Variants in GABRB1 observed in about 807,000 individuals in gnomAD.
GABRB1 encodes gamma-aminobutyric acid receptor subunit beta-1.
Under a neutral mutation model 51.6 loss-of-function variants are expected in GABRB1, and 17 were observed. That is an observed-to-expected ratio of 0.33 (90% CI 0.23 to 0.49). The LOEUF is 0.49. Ranked by LOEUF, GABRB1 falls within the 20% of genes least tolerant of loss-of-function variation. The pLI, the probability that GABRB1 is intolerant of heterozygous loss-of-function variation, is 0.99. For missense variants in GABRB1, 410 were observed against 600.6 expected (o/e 0.68, Z 3.32); for synonymous variants, 247 against 218.9 (o/e 1.13, Z -1.14).
At chr4:47,123,886 T>C (rs572469915) in intron 3 of GABRB1, among the ~76,000 whole-genome samples, 148 of 77,896 alleles carry the variant, frequency 1.9e-3, no homozygotes, top group African/African-American at 6.0e-3. Context: ...ATATATAATA[T>C]ATATAATATA....
At chr4:47,065,437 T>A (rs1727034659) in intron 3 of GABRB1, among the ~76,000 whole-genome samples, 1 of 152,204 alleles carries the variant, frequency 6.6e-6, no homozygotes, top group South Asian at 2.1e-4. Flanking sequence ...AGGCAGCTCA[T>A]CACTCACAAT....
At chr4:47,246,329 C>CATAT (rs1233122369) in intron 4 of GABRB1, among the ~76,000 whole-genome samples, 5 of 29,036 alleles carry the variant, frequency 1.7e-4, no homozygotes, top group Admixed American at 4.5e-4. Context: ...CACACACACA[C>CATAT]ATATGTACAT....
intron 4 of GABRB1, among the ~76,000 whole-genome samples, chr4:47,314,165 G>T (rs1381923175): frequency 1.3e-5 from 2 of 151,852 alleles, no homozygotes; most frequent in Admixed American, 1.3e-4. Flanking sequence ...AATGAGTTAT[G>T]GTAAAGTCTT....
intron 5 of GABRB1, among the ~76,000 whole-genome samples, chr4:47,398,561 G>T (rs4995570): frequency 0.44 from 64,886 of 145,948 alleles, 14,667 homozygotes; most frequent in African/African-American, 0.59. Flanking sequence ...TATATATAGA[G>T]AGAGAGAGAG....
At chr4:47,257,597 G>A (rs539083932) in intron 4 of GABRB1, among the ~76,000 whole-genome samples, 2 of 151,936 alleles carry the variant, frequency 1.3e-5, no homozygotes, top group East Asian at 1.9e-4. Context: ...TTGGTGAGAA[G>A]TGTCTTCTCT....
At chr4:47,060,395 C>T (rs1166356230) in intron 3 of GABRB1, among the ~76,000 whole-genome samples, 1 of 152,092 alleles carries the variant, frequency 6.6e-6, no homozygotes, top group East Asian at 1.9e-4. Flanking sequence ...AGAAATATCT[C>T]AGCTTTCCAG....
intron 1 of GABRB1, among the ~76,000 whole-genome samples, chr4:47,015,144 G>T (rs1013118104): frequency 6.6e-6 from 1 of 152,170 alleles, no homozygotes; most frequent in African/African-American, 2.4e-5. Context: ...CTGACCTTGT[G>T]ATCCGCCCAC....
chr4:47,288,243 CTATTATTAT>C (rs34976412), intron 4 of GABRB1, among the ~76,000 whole-genome samples: 8 of 148,184 alleles, frequency 5.4e-5, no homozygotes, highest in Admixed American at 1.4e-4. Context: ...GGGCTTATTA[CTATTATTAT>C]TATTATTATT....
intron 3 of GABRB1, among the ~76,000 whole-genome samples, chr4:47,096,456 G>C (rs1001824817): frequency 6.6e-5 from 10 of 152,184 alleles, no homozygotes; most frequent in Non-Finnish European, 1.3e-4. Flanking sequence ...ATAGACGGTA[G>C]ATTGCAGTAA....
chr4:47,118,401 G>A (rs1385264802), intron 3 of GABRB1, among the ~76,000 whole-genome samples: 1 of 152,112 alleles, frequency 6.6e-6, no homozygotes. Flanking sequence ...TCTTGCAGCT[G>A]TCTAAGTGAC....
At chr4:47,333,780 A>C (rs1725590615) in intron 5 of GABRB1, among the ~76,000 whole-genome samples, 1 of 152,190 alleles carries the variant, frequency 6.6e-6, no homozygotes, top group African/African-American at 2.4e-5. Flanking sequence ...TTTCTTTCAA[A>C]CATAAAAAAT....
chr4:47,330,959 A>G (rs1483619770), intron 5 of GABRB1, among the ~76,000 whole-genome samples: 2 of 152,166 alleles, frequency 1.3e-5, no homozygotes, highest in African/African-American at 4.8e-5. Context: ...ATAATGTAAA[A>G]CCAGCATCTA....
At chr4:47,356,584 C>A (rs936047218) in intron 5 of GABRB1, among the ~76,000 whole-genome samples, 1 of 152,196 alleles carries the variant, frequency 6.6e-6, no homozygotes, top group Middle Eastern at 3.4e-3. Context: ...AAGTATGTAC[C>A]GTAGGTAAAA....
chr4:47,084,113 G>C (rs1304128246), intron 3 of GABRB1, among the ~76,000 whole-genome samples: 1 of 152,144 alleles, frequency 6.6e-6, no homozygotes, highest in Non-Finnish European at 1.5e-5. Flanking sequence ...ATGTAAACCA[G>C]CTATGGTTTC....
intron 1 of GABRB1, among the ~76,000 whole-genome samples, chr4:46,997,465 T>C (rs1724034815): frequency 6.6e-6 from 1 of 151,072 alleles, no homozygotes; most frequent in South Asian, 2.1e-4. Flanking sequence ...TACATAACTA[T>C]AACTTCGTAC....
chr4:47,226,657 T>C (rs16860084), intron 4 of GABRB1, among the ~76,000 whole-genome samples: 1,996 of 152,240 alleles, frequency 0.013, 40 homozygotes, highest in African/African-American at 0.046. Flanking sequence ...AAGTATCCCT[T>C]GAGGACTACC....
At chr4:47,189,308 A>G (rs2109780596) in intron 4 of GABRB1, among the ~76,000 whole-genome samples, 1 of 152,072 alleles carries the variant, frequency 6.6e-6, no homozygotes, top group Non-Finnish European at 1.5e-5. Context: ...CCTTATACAT[A>G]ATATTATGGC....
chr4:47,064,454 G>A (rs1191822305), intron 3 of GABRB1, among the ~76,000 whole-genome samples: 2 of 151,810 alleles, frequency 1.3e-5, no homozygotes, highest in Non-Finnish European at 2.9e-5. Flanking sequence ...GGCCAACATG[G>A]TGAAACTCCG....
At chr4:47,405,490 A>G (rs1367813996) in intron 7 of GABRB1, among the ~76,000 whole-genome samples, 1 of 151,788 alleles carries the variant, frequency 6.6e-6, no homozygotes, top group Non-Finnish European at 1.5e-5. Flanking sequence ...TTTTCATCTC[A>G]TTGCTTATTT....
Sources: allele counts gnomAD v4.1 joint callset (sites outside exome capture counted in the v4.1 genomes callset), GRCh38; gene constraint gnomAD v4.1.1; transcripts MANE v1.5; gene names NCBI Gene and HGNC (gene_info 2026-07-23, HGNC 2026-07-21).